Variants in FRYL observed in about 807,000 individuals in gnomAD.
FRYL encodes the protein protein furry homolog-like.
In FRYL, 150 loss-of-function variants were observed where a neutral mutation model predicts 351.2. That is an observed-to-expected ratio of 0.43 (90% CI 0.37 to 0.49). FRYL has a LOEUF of 0.49. Among genes scored for constraint, FRYL ranks in the 20% least tolerant of loss-of-function variants. FRYL has a pLI of 0.00. For synonymous variants in FRYL, 1,153 were observed against 1,257.1 expected, an observed-to-expected ratio of 0.92 and a Z score of 1.75; for missense variants, 3,036 against 3,619.3, an observed-to-expected ratio of 0.84 and a Z score of 4.13.
chr4:48,499,490 T>A lies in FRYL; in HGVS notation c.8974A>T (p.Met2992Leu). The change falls in exon 64 of 64, where the codon ATG becomes TTG. Residue 2992 changes from methionine to leucine, a missense_variant. By Grantham distance (15) the Met-to-Leu change is conservative (BLOSUM62 2). This residue lies in a region of FRYL where 1,987 missense variants were observed against 2,311.7 expected (regional missense o/e 0.86). Coordinates refer to ENST00000358350, the MANE Select transcript of FRYL (RefSeq NM_015030.2). ...GCTAGAAGTTGGTATGATTGCACCA[T>A]GCGTAGAGACTCTCTTATTTCCAGA... ...LNLEIRESLR[M>L]VQSYQLLAQA... 6.2e-7 allele frequency: 1 copy of A among 1,613,878 alleles called. No individual in the cohort carries two copies. Among genetic ancestry groups the A allele is most frequent in the Non-Finnish European group, 8.5e-7 (1 of 1,179,754 alleles).
intron 33 of FRYL, among the ~76,000 whole-genome samples, chr4:48,560,073 CA>C (rs928564398): frequency 2.7e-4 from 41 of 151,880 alleles, no homozygotes; most frequent in African/African-American, 9.7e-4. Context: ...AGGCAAGGCA[CA>C]GGGGTGAGGA....
chr4:48,502,858 G>A lies in FRYL; in HGVS notation c.8464-13C>T, dbSNP rs781196247. 3.1e-6 allele frequency: 5 copies of A among 1,607,000 alleles called. No homozygotes were observed. In the South Asian group the frequency reaches 3.3e-5, roughly 11 times the overall value. On this transcript the variant is annotated splice_polypyrimidine_tract_variant and intron_variant, in intron 60 of 63. Transcript: ENST00000358350. The stretch of plus-strand genomic sequence containing the variant: ...GTATTTCCATTTGCTAAGCAAGAAG[G>A]TGATCAGGTCACAAAAAATACAAAG...
chr4:48,566,966 T>C (rs777330399), intron 28 of FRYL, among the ~76,000 whole-genome samples: 33 of 152,172 alleles, frequency 2.2e-4, no homozygotes, highest in Non-Finnish European at 3.1e-4. Flanking sequence ...TTATTGCATC[T>C]AAAACAAGGC....
Position 48,540,335 on chromosome 4 carries a change from C to T in FRYL, c.6295+18G>A, listed in dbSNP as rs773845653. ...CTGCATAAAATGCAAAGTGCTGGTG[C>T]AATTATATTAACATCACCTGACAAT... On this transcript the variant is annotated intron_variant, in intron 46 of 63. Coordinates refer to ENST00000358350, the MANE Select transcript of FRYL (RefSeq NM_015030.2). 1.2e-6 allele frequency: 2 copies of T among 1,602,378 alleles called. No homozygotes were observed. The highest frequency in any genetic ancestry group is 1.1e-5 in the South Asian group (1 of 89,752).
At chr4:48,551,685 C>A in intron 36 of FRYL, 107 bp from the exon 37 acceptor site, 1 of 681,402 alleles carries the variant, frequency 1.5e-6, no homozygotes, top group South Asian at 2.2e-5. Context: ...AAAATGAGAG[C>A]AAAGTCATTT....
chr4:48,612,287 G>A (rs1175725938), intron 7 of FRYL, among the ~76,000 whole-genome samples: 1 of 151,818 alleles, frequency 6.6e-6, no homozygotes, highest in East Asian at 1.9e-4. Context: ...TTTTCTTCGA[G>A]GCATCCATGT....
intron 3 of FRYL, among the ~76,000 whole-genome samples, chr4:48,661,672 A>G (rs1760747690): frequency 6.6e-6 from 1 of 152,224 alleles, no homozygotes; most frequent in South Asian, 2.1e-4. Flanking sequence ...GACAAAATCC[A>G]GCACTCAGCG....
intron 3 of FRYL, among the ~76,000 whole-genome samples, chr4:48,670,426 C>T (rs1762467606): frequency 6.6e-6 from 1 of 150,800 alleles, no homozygotes; most frequent in Admixed American, 6.6e-5. Context: ...GAGTGAGACT[C>T]CATCTCGAAA....
chr4:48,664,496 T>C (rs1270069086), intron 3 of FRYL, among the ~76,000 whole-genome samples: 1 of 152,190 alleles, frequency 6.6e-6, no homozygotes, highest in African/African-American at 2.4e-5. Flanking sequence ...ATAAGTAAAG[T>C]TAAAATATTC....
intron 2 of FRYL, among the ~76,000 whole-genome samples, chr4:48,700,214 A>AT (rs148160467): frequency 4.0e-5 from 6 of 151,682 alleles, no homozygotes; most frequent in Non-Finnish European, 4.4e-5. Flanking sequence ...AAAACAAAAG[A>AT]TTTTTTTTTA....
chr4:48,708,915 T>TTTTTTTGTTTTTTG (rs112346457), intron 2 of FRYL, among the ~76,000 whole-genome samples: 20 of 138,918 alleles, frequency 1.4e-4, no homozygotes, highest in East Asian at 1.3e-3. Context: ...CGTGTGTTTT[T>TTTTTTTGTTTTTTG]TTTTTTGTTT....
intron 1 of FRYL, among the ~76,000 whole-genome samples, chr4:48,754,181 C>T (rs1388249244): frequency 1.3e-5 from 2 of 152,160 alleles, no homozygotes; most frequent in Non-Finnish European, 2.9e-5. Flanking sequence ...AAGCAGTCAC[C>T]ATTCTTCCTT....
At chr4:48,653,834 A>C (rs13103073) in intron 3 of FRYL, 17 of 1,285,746 alleles carry the variant, frequency 1.3e-5, no homozygotes, top group African/African-American at 1.5e-5. Context: ...GCAGCAGCAG[A>C]AGCAGAAGCA....
intron 56 of FRYL, 75 bp downstream of exon 56, chr4:48,514,948 TGAAAC>T: frequency 8.1e-7 from 1 of 1,236,452 alleles, no homozygotes; most frequent in Non-Finnish European, 1.1e-6. Flanking sequence ...GTAAGTAAAC[TGAAAC>T]AGAGGGGCAC....
chr4:48,577,138 T>C (rs894642983), intron 23 of FRYL, among the ~76,000 whole-genome samples: 2 of 152,216 alleles, frequency 1.3e-5, no homozygotes, highest in African/African-American at 2.4e-5. Flanking sequence ...TTTGAATATA[T>C]GGTTAATTAT....
chr4:48,524,301 T>A (rs114762589), intron 53 of FRYL, among the ~76,000 whole-genome samples: 1 of 152,076 alleles, frequency 6.6e-6, no homozygotes, highest in African/African-American at 2.4e-5. Flanking sequence ...ACTTGGCCCA[T>A]TGGATCTTTG....
At chr4:48,630,385 C>CA (rs748694285) in intron 4 of FRYL, among the ~76,000 whole-genome samples, 15 of 151,908 alleles carry the variant, frequency 9.9e-5, no homozygotes, top group African/African-American at 2.2e-4. Context: ...TTTATACTCT[C>CA]AAAAAAAATA....
chr4:48,764,101 C>A (rs1386932049), intron 1 of FRYL, among the ~76,000 whole-genome samples: 6 of 152,084 alleles, frequency 3.9e-5, no homozygotes, highest in Non-Finnish European at 7.4e-5. Flanking sequence ...ACACAAGAAG[C>A]GAAGGTCATA....
chr4:48,697,032 C>A (rs1766260889), intron 2 of FRYL, among the ~76,000 whole-genome samples: 1 of 151,974 alleles, frequency 6.6e-6, no homozygotes, highest in Non-Finnish European at 1.5e-5. Flanking sequence ...CTATATGCAT[C>A]AAATTTCAAT....
Sources: gnomAD v4.1 joint callset for allele counts (sites outside exome capture counted in the v4.1 genomes callset) on GRCh38, gnomAD v4.1.1 for gene constraint, gnomAD v4.1.1 regional missense constraint, MANE v1.5 for transcripts, NCBI Gene and HGNC (gene_info 2026-07-23, HGNC 2026-07-21) for gene names.